USP15: variants seen among roughly 807,000 people sequenced by gnomAD.
USP15 encodes the protein ubiquitin carboxyl-terminal hydrolase 15.
In USP15, 18 loss-of-function variants were observed where a neutral mutation model predicts 127.1. That is an observed-to-expected ratio of 0.14 (90% CI 0.10 to 0.21). USP15 has a LOEUF of 0.21. Ranked by LOEUF, USP15 falls within the 10% of genes least tolerant of loss-of-function variation. The pLI is 1.00. For synonymous variants in USP15, 364 were observed against 393.7 expected, an observed-to-expected ratio of 0.92 and a Z score of 0.89; for missense variants, 805 against 1,159.9, an observed-to-expected ratio of 0.69 and a Z score of 4.44.
intron 8 of USP15, among the ~76,000 whole-genome samples, chr12:62,363,711 T>C (rs1258857622): frequency 1.3e-5 from 2 of 151,894 alleles, no homozygotes; most frequent in African/African-American, 4.8e-5. Context: ...TCTCTCTCCC[T>C]CTCTCCCTCT....
chr12:62,273,646 T>G (rs1294993253), intron 1 of USP15, among the ~76,000 whole-genome samples: 3 of 152,114 alleles, frequency 2.0e-5, no homozygotes, highest in Non-Finnish European at 2.9e-5. Flanking sequence ...GAGATTGGTA[T>G]GACAAATTCA....
chr12:62,260,752 C>T (rs1252582542), intron 1 of USP15, among the ~76,000 whole-genome samples: 1 of 152,294 alleles, frequency 6.6e-6, no homozygotes, highest in East Asian at 1.9e-4. Context: ...GGTTCTGACT[C>T]GTGCGGTTCT....
chr12:62,316,697 T>C (rs775333039), intron 4 of USP15, among the ~76,000 whole-genome samples: 3 of 152,058 alleles, frequency 2.0e-5, no homozygotes, highest in Non-Finnish European at 4.4e-5. Context: ...TATGAGACCA[T>C]CAGAGATATT....
intron 21 of USP15, among the ~76,000 whole-genome samples, chr12:62,402,769 TAAAC>T (rs916831297): frequency 9.2e-5 from 14 of 152,062 alleles, no homozygotes; most frequent in Admixed American, 7.2e-4. Flanking sequence ...ATTAGATTGT[TAAAC>T]AAGAGAATAA....
chr12:62,260,609 G>C, intron 1 of USP15, 106 bp downstream of exon 1: 1 of 1,121,148 alleles, frequency 8.9e-7, no homozygotes, highest in Non-Finnish European at 1.3e-6. Context: ...GGCAGGTCCG[G>C]CGGCGGCCGC....
intron 1 of USP15, among the ~76,000 whole-genome samples, chr12:62,265,258 T>C (rs2063165259): frequency 6.6e-6 from 1 of 152,220 alleles, no homozygotes; most frequent in Non-Finnish European, 1.5e-5. Context: ...GTTAACAATT[T>C]TGCTTCTACG....
intron 6 of USP15, among the ~76,000 whole-genome samples, chr12:62,348,347 T>C (rs1235760349): frequency 6.6e-6 from 1 of 152,252 alleles, no homozygotes; most frequent in African/African-American, 2.4e-5. Context: ...GCAAATTTTG[T>C]AGATTATGCT....
At chr12:62,295,382 A>G (rs7295013) in intron 2 of USP15, among the ~76,000 whole-genome samples, 34,216 of 152,152 alleles carry the variant, frequency 0.22, 4,193 homozygotes, top group African/African-American at 0.34. Context: ...GCTAACCTGA[A>G]AGCATCAAAC....
chr12:62,401,743 T>C (rs1371302152), intron 21 of USP15, among the ~76,000 whole-genome samples: 1 of 151,704 alleles, frequency 6.6e-6, no homozygotes, highest in Non-Finnish European at 1.5e-5. Context: ...TTATAAAAGA[T>C]TAATACTTGT....
intron 2 of USP15, among the ~76,000 whole-genome samples, chr12:62,297,469 G>A (rs766593807): frequency 3.3e-5 from 5 of 152,156 alleles, no homozygotes; most frequent in Non-Finnish European, 7.4e-5. Flanking sequence ...GAGAACTCAA[G>A]GAAGAGGGAG....
intron 7 of USP15, among the ~76,000 whole-genome samples, chr12:62,352,454 C>A (rs748919035): frequency 3.3e-5 from 5 of 151,846 alleles, no homozygotes; most frequent in Admixed American, 6.6e-5. Flanking sequence ...TATTTTTCTG[C>A]CCTGCTATAT....
chr12:62,287,071 A>T (rs1429552931), intron 1 of USP15, among the ~76,000 whole-genome samples: 1 of 152,198 alleles, frequency 6.6e-6, no homozygotes, highest in Non-Finnish European at 1.5e-5. Context: ...ACAGATACAG[A>T]AGACCAAATA....
chr12:62,403,601 G>C lies in USP15; in HGVS notation c.2764-592G>C, dbSNP rs139068306. On this transcript the variant is annotated intron_variant, in intron 21 of 21. Transcript: ENST00000280377. The stretch of plus-strand genomic sequence containing the variant: ...GTGAATGATGAGTATTGACAACTCT[G>C]TTTATCACCCTGACTATGAGGAAGA... Among the ~76,000 whole-genome samples, 242 of 152,112 alleles carry C rather than the reference G, an allele frequency of 1.6e-3. 1 individual carries two copies. The highest frequency in any genetic ancestry group is 5.7e-3 in the African/African-American group (238 of 41,516).
intron 1 of USP15, among the ~76,000 whole-genome samples, chr12:62,282,419 C>T (rs1028509435): frequency 6.6e-6 from 1 of 152,096 alleles, no homozygotes; most frequent in African/African-American, 2.4e-5. Flanking sequence ...ACAGTTATGA[C>T]AATATTCTGT....
chr12:62,381,762 T>A, intron 9 of USP15, 99 bp downstream of exon 9: 1 of 1,204,346 alleles, frequency 8.3e-7, no homozygotes, highest in Non-Finnish European at 1.1e-6. Context: ...ATTACAATGG[T>A]TTGTGGCCCT....
chr12:62,336,078 G>A lies in USP15; in HGVS notation c.683+10145G>A, dbSNP rs886136913. The A allele has an allele frequency of 8.1e-6, 8 of 985,262 alleles. No homozygotes were observed. The African/African-American group carries it at 1.0e-4, about 13-fold the overall frequency. The allele number at this position is 985,262 out of a possible 1,614,324, so 61.0% of individuals were successfully genotyped here. The stretch of plus-strand genomic sequence containing the variant: ...TGCAGTGCAGCTTCACTAACTGTTT[G>A]CAGCAGCTCTACTCAGACCTTAAAT... On this transcript the variant is annotated intron_variant, in intron 6 of 21. Coordinates refer to ENST00000280377, the MANE Select transcript of USP15 (RefSeq NM_001252078.2).
At chr12:62,298,210 G>A (rs10877822) in intron 2 of USP15, among the ~76,000 whole-genome samples, 56,406 of 152,004 alleles carry the variant, frequency 0.37, 11,517 homozygotes, top group East Asian at 0.55. Flanking sequence ...AAGTGAGAGG[G>A]GCAGAAAGCA....
At chr12:62,400,150 A>T (rs1234220696) in intron 20 of USP15, among the ~76,000 whole-genome samples, 1 of 152,168 alleles carries the variant, frequency 6.6e-6, no homozygotes, top group East Asian at 1.9e-4. Flanking sequence ...TTATTTCTTC[A>T]GTTATTGAGT....
At position 62,393,216 on chromosome 12, in the gene USP15, G is replaced by C; in HGVS notation, c.2570+14G>C. On this transcript the variant is annotated intron_variant, in intron 19 of 21. Transcript: ENST00000280377. ...TTTTCCTATCAAGTAAGCTTTAATT[G>C]TACTTTATAAGCATTGGGCAACTCT... The C allele has an allele frequency of 6.2e-7, 1 of 1,608,878 alleles. No homozygotes were observed. The highest frequency in any genetic ancestry group is 1.7e-5 in the Admixed American group (1 of 59,424).
Sources: gnomAD v4.1 joint callset for allele counts (sites outside exome capture counted in the v4.1 genomes callset) on GRCh38, gnomAD v4.1.1 for gene constraint, MANE v1.5 for transcripts, NCBI Gene and HGNC (gene_info 2026-07-23, HGNC 2026-07-21) for gene names.